The following EHD2 variants were observed in gnomAD, a reference collection of about 807,000 sequenced individuals.
EHD2 encodes EH domain-containing protein 2.
EHD2 carries 27 observed loss-of-function variants against 41.0 expected under a neutral mutation model. The observed-to-expected ratio is 0.66, with a 90% confidence interval of 0.49 to 0.91. The LOEUF (loss-of-function observed/expected upper bound fraction) is 0.91, where lower values mean the gene tolerates loss of function less well. Ranked by LOEUF, EHD2 falls within the 40% of genes least tolerant of loss-of-function variation. EHD2 has a pLI of 0.00. For missense variants in EHD2, 673 were observed against 773.9 expected, an observed-to-expected ratio of 0.87 and a Z score of 1.55; for synonymous variants, 342 against 341.0, an observed-to-expected ratio of 1.00 and a Z score of -0.03.
chr19:47,718,127 G>C (rs150742312), intron 2 of EHD2, among the ~76,000 whole-genome samples: 3,432 of 151,434 alleles, frequency 0.023, 69 homozygotes, highest in African/African-American at 0.045. Flanking sequence ...ACAAAAATTA[G>C]CTGGGTGAGG....
intron 4 of EHD2, among the ~76,000 whole-genome samples, chr19:47,735,894 ACT>A (rs1231041492): frequency 4.9e-5 from 6 of 122,986 alleles, no homozygotes; most frequent in African/African-American, 2.0e-4. Context: ...ACAGAGCGAG[ACT>A]CTGTCTCGAA....
chr19:47,725,161 G>A (rs1973737073), intron 3 of EHD2, among the ~76,000 whole-genome samples: 1 of 151,818 alleles, frequency 6.6e-6, no homozygotes, highest in African/African-American at 2.4e-5. Context: ...AGCACAGGGG[G>A]ATCTCTTAGC....
chr19:47,737,244 A>G (rs1966934336), intron 5 of EHD2, among the ~76,000 whole-genome samples: 3 of 151,890 alleles, frequency 2.0e-5, no homozygotes, highest in South Asian at 4.1e-4. Context: ...AAAAAAAAAA[A>G]AAAAGAAAAG....
chr19:47,719,660 C>T lies in EHD2; in HGVS notation c.502+1054C>T, dbSNP rs929998751. 1.3e-4 allele frequency among the ~76,000 whole-genome samples: 20 copies of T among 152,216 alleles called. No homozygotes were observed. The highest frequency in any genetic ancestry group is 4.3e-4 in the African/African-American group (18 of 41,534). On this transcript the variant is annotated intron_variant, in intron 3 of 5. Coordinates refer to ENST00000263277, the MANE Select transcript of EHD2 (RefSeq NM_014601.4). The surrounding 1 kb of genome is among the most constrained non-coding windows in gnomAD (Gnocchi z 4.1). ...GTGGGGTGGGGACGCTGGGGGTGACCATGTCTCTGGCTGCCGTCCAGAGGC... is the reference window on the plus strand; with the variant it reads ...GTGGGGTGGGGACGCTGGGGGTGACTATGTCTCTGGCTGCCGTCCAGAGGC...
At chr19:47,733,295 G>T (rs1599899515) in intron 4 of EHD2, among the ~76,000 whole-genome samples, 2 of 151,106 alleles carry the variant, frequency 1.3e-5, no homozygotes, top group East Asian at 4.0e-4. Context: ...GAGTGCAGTG[G>T]TATGATCATG....
intron 3 of EHD2, among the ~76,000 whole-genome samples, chr19:47,722,048 ACACACACACT>A: frequency 1.4e-5 from 2 of 143,560 alleles, no homozygotes; most frequent in Non-Finnish European, 1.5e-5. Context: ...ACACACACAC[ACACACACACT>A]GGGAATAATA....
intron 3 of EHD2, among the ~76,000 whole-genome samples, chr19:47,723,926 C>G (rs112675175): frequency 5.7e-4 from 85 of 150,442 alleles, no homozygotes; most frequent in Middle Eastern, 3.5e-3. Flanking sequence ...CTCAAGCGAT[C>G]CTCCTGCCTC....
chr19:47,716,462 C>T (rs925037304), intron 1 of EHD2, 96 bp from the exon 2 acceptor site: 2 of 797,406 alleles, frequency 2.5e-6, no homozygotes, highest in East Asian at 2.8e-5. Context: ...CCTCCTCCTC[C>T]TCCACCCATC....
At position 47,718,607 on chromosome 19, in the gene EHD2, G is replaced by A. The variant is rs1973656392; in HGVS notation, c.502+1G>A. 1 of 1,559,896 alleles carries A rather than the reference G, an allele frequency of 6.4e-7. No individual in the cohort carries two copies. Among genetic ancestry groups the A allele is most frequent in the Non-Finnish European group, 8.7e-7 (1 of 1,151,188 alleles). On this transcript the variant is annotated splice_donor_variant, in intron 3 of 5. Coordinates refer to ENST00000263277, the MANE Select transcript of EHD2 (RefSeq NM_014601.4). LOFTEE classifies it high-confidence loss of function. Reference sequence around the variant, plus strand: ...GGTGCCAAGCAGAGAGTGAGCCGCGGTGAGTGGGGCCAGACCCTGGGGTCT... The same window carrying A: ...GGTGCCAAGCAGAGAGTGAGCCGCGATGAGTGGGGCCAGACCCTGGGGTCT...
chr19:47,730,487 G>A (rs1279740197), intron 4 of EHD2, among the ~76,000 whole-genome samples: 1 of 151,956 alleles, frequency 6.6e-6, no homozygotes, highest in East Asian at 1.9e-4. Flanking sequence ...CCTTTGCCCC[G>A]TGTCGCACCC....
chr19:47,718,616 G>A lies in EHD2; in HGVS notation c.502+10G>A, dbSNP rs904607586. The A allele has an allele frequency of 1.2e-5, 19 of 1,543,196 alleles. No individual in the cohort carries two copies. The Middle Eastern group carries it at 8.4e-4, about 68-fold the overall frequency. ...CAGAGAGTGAGCCGCGGTGAGTGGG[G>A]CCAGACCCTGGGGTCTGAGGGAGGA... On this transcript the variant is annotated intron_variant, in intron 3 of 5. Transcript: ENST00000263277.
intron 1 of EHD2, 32 bp from the exon 2 acceptor site, chr19:47,716,526 G>A (rs775411307): frequency 3.3e-5 from 47 of 1,407,794 alleles, no homozygotes; most frequent in African/African-American, 5.8e-5. Flanking sequence ...TGGCTGGGCC[G>A]CCTATGCTCA....
intron 4 of EHD2, among the ~76,000 whole-genome samples, chr19:47,734,936 C>A (rs933618678): frequency 6.6e-6 from 1 of 151,986 alleles, no homozygotes; most frequent in Admixed American, 6.6e-5. Flanking sequence ...GCCTGTAATC[C>A]CAGCTACTCG....
chr19:47,720,862 T>C (rs1973687394), intron 3 of EHD2, among the ~76,000 whole-genome samples: 1 of 152,106 alleles, frequency 6.6e-6, no homozygotes, highest in African/African-American at 2.4e-5. Flanking sequence ...TGTGTGTGTG[T>C]GCAGGAGTGC....
chr19:47,736,408 C>T lies in EHD2; in HGVS notation c.955C>T (p.Pro319Ser). 1 of 1,613,304 alleles carries T rather than the reference C, an allele frequency of 6.2e-7. No individual in the cohort carries two copies. The highest frequency in any genetic ancestry group is 8.5e-7 in the Non-Finnish European group (1 of 1,179,702). Residue 319 changes from proline to serine, a missense_variant, in exon 5 of 6, where the codon CCC becomes TCC. Coordinates refer to ENST00000263277, the MANE Select transcript of EHD2 (RefSeq NM_014601.4). Reference sequence around the variant, plus strand: ...CATCAGCTACCTGAAGAAGGAGATGCCCTCTGTGTTTGGGAAGGAGAACAA... The same window carrying T: ...CATCAGCTACCTGAAGAAGGAGATGTCCTCTGTGTTTGGGAAGGAGAACAA... ...YIISYLKKEM[P>S]SVFGKENKKK...
rs1973630149 is a variant in EHD2, at chr19:47,716,774, C to T, written c.162C>T (p.Asp54=). 6.2e-7 allele frequency: 1 copy of T among 1,612,462 alleles called. No individual in the cohort carries two copies. The highest frequency in any genetic ancestry group is 8.5e-7 in the Non-Finnish European group (1 of 1,179,336). ...ACTCGCCGGCCCTGGAGGACGCAGA[C>T]TTCGACGGCAAGCCCATGGTGCTGG... ...AFHSPALEDA[D]FDGKPMVLVA... is the part of the protein sequence containing the mutation. Residue 54 remains aspartate (D), a synonymous_variant, in exon 2 of 6, where the codon GAC becomes GAT. Coordinates refer to ENST00000263277, the MANE Select transcript of EHD2 (RefSeq NM_014601.4).
chr19:47,725,929 TGCGG>T lies in EHD2; in HGVS notation c.622_625del (p.Arg208AlafsTer21). 3.1e-6 allele frequency: 5 copies of T among 1,613,974 alleles called. No homozygotes were observed. Among genetic ancestry groups the T allele is most frequent in the Non-Finnish European group, 4.2e-6 (5 of 1,179,884 alleles). The stretch of plus-strand genomic sequence containing the variant: ...GAGTTCTCAGAGGCCATCGGCGCGT[TGCGG>T]GGCCATGAGGACAAGATCCGCGTGG... On this transcript the variant is annotated frameshift_variant, in exon 4 of 6. Coordinates refer to ENST00000263277, the MANE Select transcript of EHD2 (RefSeq NM_014601.4). LOFTEE classifies it high-confidence loss of function.
At chr19:47,726,405 C>G (rs1599894115) in intron 4 of EHD2, 181 bp downstream of exon 4, 1 of 608,542 alleles carries the variant, frequency 1.6e-6, no homozygotes, top group East Asian at 3.2e-5. Context: ...ATTCCTCTGC[C>G]TTTGGATTTC....
intron 3 of EHD2, among the ~76,000 whole-genome samples, chr19:47,724,419 G>A (rs1312596802): frequency 1.3e-5 from 2 of 152,172 alleles, no homozygotes; most frequent in African/African-American, 4.8e-5. Context: ...GAGAGGTTAA[G>A]CTACTTGCCT....
Sources: allele counts gnomAD v4.1 joint callset (sites outside exome capture counted in the v4.1 genomes callset), GRCh38; gene constraint gnomAD v4.1.1; non-coding constraint Gnocchi (gnomAD v3.1); transcripts MANE v1.5; gene names NCBI Gene and HGNC (gene_info 2026-07-23, HGNC 2026-07-21).